Variants in DGAT1 observed in about 807,000 individuals in gnomAD.
DGAT1 encodes diacylglycerol O-acyltransferase 1.
Under a neutral mutation model 72.6 loss-of-function variants are expected in DGAT1, and 60 were observed. That is an observed-to-expected ratio of 0.83 (90% CI 0.67 to 1.02). DGAT1 has a LOEUF of 1.02. DGAT1 is among the 50% of genes least tolerant of loss of function. The pLI, the probability that DGAT1 is intolerant of heterozygous loss-of-function variation, is 0.00. For synonymous variants in DGAT1, 290 were observed against 267.5 expected, an observed-to-expected ratio of 1.08 and a Z score of -0.82; for missense variants, 592 against 670.0, an observed-to-expected ratio of 0.88 and a Z score of 1.29.
intron 2 of DGAT1, 96 bp from the exon 3 acceptor site, chr8:144,319,164 G>T: frequency 6.9e-7 from 1 of 1,445,046 alleles, no homozygotes. Context: ...GTCCCAGCCC[G>T]AGCTCAGGGC....
Position 144,316,628 on chromosome 8 carries a change from G to C in DGAT1, c.1393C>G (p.Gln465Glu). ...ACGTACATGAGGACGGCTATTGGCT[G>C]TCCGATGATGAGCGACAGCCACACA... ...AAVWLSLIIG[Q>E]PIAVLMYVHD... The change falls in exon 17 of 17, where the codon CAG (glutamine) becomes GAG (glutamate). Residue 465 changes from glutamine (Q) to glutamate (E), a missense_variant. Gln to Glu is a conservative substitution (Grantham distance 29, BLOSUM62 2). Coordinates refer to ENST00000528718, the MANE Select transcript of DGAT1 (RefSeq NM_012079.6). 1 of 1,609,138 alleles carries C rather than the reference G, an allele frequency of 6.2e-7. No homozygotes were observed. The highest frequency in any genetic ancestry group is 8.5e-7 in the Non-Finnish European group (1 of 1,178,510).
intron 1 of DGAT1, among the ~76,000 whole-genome samples, chr8:144,321,694 G>A (rs1045173788): frequency 5.3e-5 from 8 of 152,224 alleles, no homozygotes; most frequent in Admixed American, 2.0e-4. Context: ...ATGGAGCTTG[G>A]ACACTCCAGG....
chr8:144,326,571 G>C lies in DGAT1; in HGVS notation c.66C>G (p.Gly22=), dbSNP rs1554848813. The C allele has an allele frequency of 8.0e-7, 1 of 1,248,484 alleles. No individual in the cohort carries two copies. The allele number at this position is 1,248,484 out of a possible 1,614,324, so 77.3% of individuals were successfully genotyped here. A position where few individuals can be genotyped will look rare whatever the true frequency, so the allele number is the denominator to read the frequency against. ...TGSRPSSHGG[G]GPAAAEEEVR... is the part of the protein sequence containing the mutation. The stretch of plus-strand genomic sequence containing the variant: ...CCTCCTCTTCCGCCGCCGCAGGCCC[G>C]CCGCCGCCGTGGCTCGAGGGCCGCG... Residue 22 remains glycine (G), a synonymous_variant, in exon 1 of 17, where the codon GGC becomes GGG. Transcript: ENST00000528718.
At chr8:144,322,423 C>T (rs1013589915) in intron 1 of DGAT1, among the ~76,000 whole-genome samples, 1 of 152,208 alleles carries the variant, frequency 6.6e-6, no homozygotes, top group Non-Finnish European at 1.5e-5. Context: ...CACATCTGCC[C>T]CTCAGAGCCC....
chr8:144,319,730 C>G (rs1334487904), intron 2 of DGAT1, among the ~76,000 whole-genome samples: 1 of 152,204 alleles, frequency 6.6e-6, no homozygotes, highest in African/African-American at 2.4e-5. Context: ...TGGAATAAGG[C>G]TCTTGGGACG....
chr8:144,315,695 G>A lies in DGAT1; in HGVS notation c.*859C>T, dbSNP rs533224239. ...CGCTGTCTGCACTGCCCAGCCTGGT[G>A]CCAGAAGAGCAGAGGGCAAGGCAGG... On this transcript the variant is annotated 3_prime_UTR_variant, in exon 17 of 17. Transcript: ENST00000528718. 4.4e-5 allele frequency: 42 copies of A among 945,720 alleles called. 1 individual carries two copies. The South Asian group carries it at 1.8e-3, about 41-fold the overall frequency. The allele number at this position is 945,720 out of a possible 1,614,324, so 58.6% of individuals were successfully genotyped here.
In DGAT1 at chr8:144,326,820, G is replaced by T; in HGVS notation, c.-184C>A. 3.1e-6 allele frequency: 1 copy of T among 326,206 alleles called. No individual in the cohort carries two copies. Among genetic ancestry groups the T allele is most frequent in the Non-Finnish European group, 4.8e-6 (1 of 206,690 alleles). The allele number at this position is 326,206 out of a possible 1,614,324, so 20.2% of individuals were successfully genotyped here. On this transcript the variant is annotated 5_prime_UTR_variant, in exon 1 of 17. Transcript: ENST00000528718. ...CCGCGTCGGGCCCGTCGGCCTCAAG[G>T]ACAACGGCTGCGTTGCTCCGGAGCC...
rs1188080528 is a variant in DGAT1 at position 144,315,066 on chromosome 8, G to A, written c.*1488C>T. On this transcript the variant is annotated 3_prime_UTR_variant, in exon 17 of 17. Transcript: ENST00000528718. ...CCCTGTGTAGGCACGGGGAACGGGA[G>A]CCTGTCCCGTAGCTTTAGGGTTCTC... is the stretch of plus-strand genomic sequence containing the variant. 1 of 985,416 alleles carries A rather than the reference G, an allele frequency of 1.0e-6. No individual in the cohort carries two copies. The highest frequency in any genetic ancestry group is 1.2e-6 in the Non-Finnish European group (1 of 830,020). 61.0% of individuals were successfully genotyped at this position (985,416 alleles called of 1,614,324 possible).
rs782542875 is a variant in DGAT1 at position 144,316,666 on chromosome 8, T to C, written c.1355A>G (p.Tyr452Cys). The change falls in exon 17 of 17, where the codon TAT becomes TGT. Residue 452 changes from tyrosine (Y) to cysteine (C), a missense_variant. Tyr to Cys is a radical substitution (Grantham distance 194). Transcript: ENST00000528718. ...WFVGRFFQGN[Y>C]GNAAVWLSLI... ...CGACAGCCACACAGCTGCGTTGCCA[T>C]AGTTGCCCTGGAAAAAGCGGCCCAC... 12 of 1,611,938 alleles carry C rather than the reference T, an allele frequency of 7.4e-6. No individual in the cohort carries two copies. The highest frequency in any genetic ancestry group is 1.3e-5 in the African/African-American group (1 of 74,916).
chr8:144,316,568 C>T lies in DGAT1; in HGVS notation c.1453G>A (p.Ala485Thr). 1.3e-6 allele frequency: 2 copies of T among 1,597,948 alleles called. No individual in the cohort carries two copies. Among genetic ancestry groups the T allele is most frequent in the Non-Finnish European group, 1.7e-6 (2 of 1,172,984 alleles). Residue 485 changes from alanine to threonine, a missense_variant, in exon 17 of 17, where the codon GCG becomes ACG. Coordinates refer to ENST00000528718, the MANE Select transcript of DGAT1 (RefSeq NM_012079.6). ...TCAGGTGCAGCTCAGGCCTCTGCCG[C>T]TGGGGCCTCATAGTTGAGCACGTAG... ...DYYVLNYEAPAAEA is the reference protein window; with the variant it reads ...DYYVLNYEAPTAEA
chr8:144,321,424 A>G lies in DGAT1; in HGVS notation c.201-16T>C, dbSNP rs1817454372. On this transcript the variant is annotated splice_polypyrimidine_tract_variant and intron_variant, in intron 1 of 16. Transcript: ENST00000528718. ...GCGATGGCACCTGACAGAGCACAAC[A>G]CAAGCACCCCCTGAGTGGGCACCAG... 3 of 1,612,772 alleles carry G rather than the reference A, an allele frequency of 1.9e-6. No homozygotes were observed. Among genetic ancestry groups the G allele is most frequent in the African/African-American group, 1.3e-5 (1 of 74,884 alleles).
chr8:144,326,291 TCA>T, intron 1 of DGAT1, 144 bp downstream of exon 1: 1 of 775,004 alleles, frequency 1.3e-6, no homozygotes. Context: ...TCCCCAAGCC[TCA>T]GTTTCCCCAC....
Position 144,316,516 on chromosome 8 carries a change from G to A in DGAT1, c.*38C>T, listed in dbSNP as rs1061430. 1.9e-6 allele frequency: 3 copies of A among 1,548,762 alleles called. No homozygotes were observed. Among genetic ancestry groups the A allele is most frequent in the East Asian group, 4.8e-5 (2 of 42,056 alleles). ...GGAGAGGTGGGCTCTGGCAGCGGGT[G>A]TGAGGTGGCAGTGAGAAGCCAGGCC... is the stretch of plus-strand genomic sequence containing the variant. On this transcript the variant is annotated 3_prime_UTR_variant, in exon 17 of 17. Transcript: ENST00000528718.
chr8:144,322,038 AG>A (rs1554848210), intron 1 of DGAT1, among the ~76,000 whole-genome samples: 1 of 152,196 alleles, frequency 6.6e-6, no homozygotes, highest in Admixed American at 6.5e-5. Flanking sequence ...GCCCAGGCTG[AG>A]GGGGCTGAAA....
Position 144,317,831 on chromosome 8 carries a change from G to A in DGAT1, c.856-9C>T, listed in dbSNP as rs1379502046. ...AGCTGGGTGAAGAACAGCTGGGGGG[G>A]AAACAGAGAGCAGCCAGCTGAGGCC... is the stretch of plus-strand genomic sequence containing the variant. On this transcript the variant is annotated splice_polypyrimidine_tract_variant and intron_variant, in intron 9 of 16. Transcript: ENST00000528718. 11 of 1,609,812 alleles carry A rather than the reference G, an allele frequency of 6.8e-6. No individual in the cohort carries two copies. The highest frequency in any genetic ancestry group is 6.7e-5 in the East Asian group (3 of 44,828).
In DGAT1 at chr8:144,315,126, C is replaced by T. The variant is rs187079015; in HGVS notation, c.*1428G>A. On this transcript the variant is annotated 3_prime_UTR_variant, in exon 17 of 17. Transcript: ENST00000528718. Reference sequence around the variant, plus strand: ...TGGTGGAGGAAGGGAAGGGGGCCTGCGCTGGGCAGTGGAGCAGGCTTTGCT... The same window carrying T: ...TGGTGGAGGAAGGGAAGGGGGCCTGTGCTGGGCAGTGGAGCAGGCTTTGCT... 5.4e-5 allele frequency: 53 copies of T among 985,544 alleles called. No individual in the cohort carries two copies. In the East Asian group the frequency reaches 4.3e-3, roughly 80 times the overall value. The allele number at this position is 985,544 out of a possible 1,614,324, so 61.0% of individuals were successfully genotyped here. A position where few individuals can be genotyped will look rare whatever the true frequency, so the allele number is the denominator to read the frequency against.
Position 144,317,900 on chromosome 8 carries a change from G to T in DGAT1, c.855+14C>A. 6.5e-7 allele frequency: 1 copy of T among 1,531,162 alleles called. No homozygotes were observed. Among genetic ancestry groups the T allele is most frequent in the Non-Finnish European group, 8.8e-7 (1 of 1,141,088 alleles). The allele number at this position is 1,531,162 out of a possible 1,614,324, so 94.8% of individuals were successfully genotyped here. A position where few individuals can be genotyped will look rare whatever the true frequency, so the allele number is the denominator to read the frequency against. On this transcript the variant is annotated intron_variant, in intron 9 of 16. Coordinates refer to ENST00000528718, the MANE Select transcript of DGAT1 (RefSeq NM_012079.6). ...CCCTAGCCTCCAGTGGCTGCCCCCA[G>T]CCCCCAACCTCACCATCTCAAGGAT...
Position 144,315,106 on chromosome 8 carries a change from G to A in DGAT1, c.*1448C>T. On this transcript the variant is annotated 3_prime_UTR_variant, in exon 17 of 17. Coordinates refer to ENST00000528718, the MANE Select transcript of DGAT1 (RefSeq NM_012079.6). ...TTAGGGTTCTCCACTCAGCCTGGTGGAGGAAGGGAAGGGGGCCTGCGCTGG... is the reference window on the plus strand; with the variant it reads ...TTAGGGTTCTCCACTCAGCCTGGTGAAGGAAGGGAAGGGGGCCTGCGCTGG... 1.0e-6 allele frequency: 1 copy of A among 985,530 alleles called. No individual in the cohort carries two copies. Among genetic ancestry groups the A allele is most frequent in the Non-Finnish European group, 1.2e-6 (1 of 829,972 alleles). The allele number at this position is 985,530 out of a possible 1,614,324, so 61.0% of individuals were successfully genotyped here.
intron 2 of DGAT1, 50 bp from the exon 3 acceptor site, chr8:144,319,118 G>C: frequency 6.5e-7 from 1 of 1,546,878 alleles, no homozygotes; most frequent in Non-Finnish European, 8.7e-7. Context: ...TGGCCACAGG[G>C]TACTCACCCC....
Sources: gnomAD v4.1 joint callset for allele counts (sites outside exome capture counted in the v4.1 genomes callset) on GRCh38, gnomAD v4.1.1 for gene constraint, MANE v1.5 for transcripts, NCBI Gene and HGNC (gene_info 2026-07-23, HGNC 2026-07-21) for gene names.